EYA1: variants seen among roughly 807,000 people sequenced by gnomAD.
EYA1 encodes the protein EYA transcriptional coactivator and phosphatase 1, also known as protein phosphatase EYA1.
Under a neutral mutation model 82.0 loss-of-function variants are expected in EYA1, and 16 were observed. That is an observed-to-expected ratio of 0.20 (90% CI 0.13 to 0.30). The LOEUF is 0.30. Ranked by LOEUF, EYA1 falls within the 10% of genes least tolerant of loss-of-function variation. The pLI, the probability that EYA1 is intolerant of heterozygous loss-of-function variation, is 1.00. For synonymous variants in EYA1, 261 were observed against 264.4 expected, an observed-to-expected ratio of 0.99 and a Z score of 0.12; for missense variants, 633 against 730.7, an observed-to-expected ratio of 0.87 and a Z score of 1.54.
intron 12 of EYA1, among the ~76,000 whole-genome samples, chr8:71,243,312 C>G (rs535099301): frequency 6.6e-6 from 1 of 152,008 alleles, no homozygotes; most frequent in Non-Finnish European, 1.5e-5. Flanking sequence ...TAAGTGAAAA[C>G]AATTATCAAT....
At chr8:71,419,790 T>C (rs1831046695) in intron 2 of EYA1, among the ~76,000 whole-genome samples, 2 of 152,108 alleles carry the variant, frequency 1.3e-5, no homozygotes, top group African/African-American at 2.4e-5. Flanking sequence ...TTCTAAGCTA[T>C]ATTTTATGTA....
At chr8:71,496,208 C>G (rs904897723) in intron 2 of EYA1, among the ~76,000 whole-genome samples, 1 of 152,170 alleles carries the variant, frequency 6.6e-6, no homozygotes, top group Admixed American at 6.5e-5. Flanking sequence ...AAACTCAACA[C>G]CTGCTGCCCA....
intron 2 of EYA1, among the ~76,000 whole-genome samples, chr8:71,443,295 A>AT (rs899260718): frequency 3.7e-4 from 56 of 152,214 alleles, no homozygotes; most frequent in African/African-American, 1.2e-3. Context: ...AAGAAAATGG[A>AT]TTTTTTTGGC....
At chr8:71,466,185 A>G (rs749059502) in intron 2 of EYA1, among the ~76,000 whole-genome samples, 3 of 152,182 alleles carry the variant, frequency 2.0e-5, no homozygotes, top group African/African-American at 7.2e-5. Flanking sequence ...AATATGACTA[A>G]ATATAACCAC....
At chr8:71,342,658 A>G (rs1474863790) in intron 3 of EYA1, among the ~76,000 whole-genome samples, 2 of 152,212 alleles carry the variant, frequency 1.3e-5, no homozygotes, top group Admixed American at 6.5e-5. Context: ...TTTAATAAAC[A>G]TAACAGAATG....
At chr8:71,506,537 G>T (rs1183566601) in intron 2 of EYA1, among the ~76,000 whole-genome samples, 1 of 152,124 alleles carries the variant, frequency 6.6e-6, no homozygotes, top group Non-Finnish European at 1.5e-5. Flanking sequence ...ATTTGTTATT[G>T]TAATTTTGCA....
chr8:71,438,880 G>A (rs1806197612), intron 2 of EYA1, among the ~76,000 whole-genome samples: 1 of 152,186 alleles, frequency 6.6e-6, no homozygotes, highest in Non-Finnish European at 1.5e-5. Context: ...GAATGTCTTT[G>A]TGGATCTGAC....
upstream of EYA1, among the ~76,000 whole-genome samples, chr8:71,365,479 A>T (rs2129083912): frequency 6.6e-6 from 1 of 152,330 alleles, no homozygotes; most frequent in African/African-American, 2.4e-5. Flanking sequence ...CATTTTCTTA[A>T]AAAAGCGAAA....
chr8:71,295,892 T>G (rs1293442796), intron 9 of EYA1, among the ~76,000 whole-genome samples: 1 of 152,054 alleles, frequency 6.6e-6, no homozygotes, highest in Non-Finnish European at 1.5e-5. Context: ...GACATGAGTT[T>G]AAAGACATGG....
At chr8:71,334,242 TATA>T (rs1563486561) in intron 3 of EYA1, 68 bp from the exon 4 acceptor site, 1 of 1,160,430 alleles carries the variant, frequency 8.6e-7, no homozygotes, top group Admixed American at 1.7e-5. Context: ...GAAGAGAAGA[TATA>T]ACATTCAGAG....
Position 71,211,141 on chromosome 8 carries a change from T to C in EYA1, c.1698+15A>G. On this transcript the variant is annotated intron_variant, in intron 17 of 17. Coordinates refer to ENST00000340726, the MANE Select transcript of EYA1 (RefSeq NM_000503.6). ...AAAACAAATGAGACAAGATGCACCA[T>C]CTAGGAATGCTCACCTTTTTTGCTC... 1 of 1,525,236 alleles carries C rather than the reference T, an allele frequency of 6.6e-7. No homozygotes were observed. The highest frequency in any genetic ancestry group is 9.1e-7 in the Non-Finnish European group (1 of 1,099,096). The allele number at this position is 1,525,236 out of a possible 1,614,324, so 94.5% of individuals were successfully genotyped here.
At chr8:71,357,873 A>G (rs1047202398) in intron 1 of EYA1, among the ~76,000 whole-genome samples, 3 of 152,186 alleles carry the variant, frequency 2.0e-5, no homozygotes, top group Non-Finnish European at 4.4e-5. Context: ...CGTGATAACA[A>G]CCTTCTGCGA....
intron 2 of EYA1, among the ~76,000 whole-genome samples, chr8:71,533,880 C>G (rs1814492381): frequency 6.6e-6 from 1 of 152,176 alleles, no homozygotes; most frequent in Non-Finnish European, 1.5e-5. Context: ...TAGCCAAATA[C>G]CTTTCAAGAC....
chr8:71,495,809 G>A (rs1811369104), intron 2 of EYA1, among the ~76,000 whole-genome samples: 2 of 152,074 alleles, frequency 1.3e-5, no homozygotes, highest in Non-Finnish European at 2.9e-5. Context: ...GCAGATATGA[G>A]TGGTCTCCCT....
chr8:71,261,408 C>T (rs2128931995), intron 11 of EYA1, among the ~76,000 whole-genome samples: 1 of 152,152 alleles, frequency 6.6e-6, no homozygotes, highest in African/African-American at 2.4e-5. Context: ...TACAGATTAC[C>T]AAGAGAGACT....
chr8:71,265,869 T>G (rs1331835152), intron 11 of EYA1, among the ~76,000 whole-genome samples: 1 of 152,236 alleles, frequency 6.6e-6, no homozygotes, highest in Non-Finnish European at 1.5e-5. Flanking sequence ...ACATCTTACT[T>G]GTTTTCCTCA....
intron 2 of EYA1, among the ~76,000 whole-genome samples, chr8:71,514,907 T>G (rs2129259854): frequency 6.6e-6 from 1 of 152,278 alleles, no homozygotes; most frequent in Non-Finnish European, 1.5e-5. Context: ...ATGTACAATT[T>G]TTATAGAAAT....
At chr8:71,490,608 A>C (rs534360716) in intron 2 of EYA1, among the ~76,000 whole-genome samples, 1 of 152,222 alleles carries the variant, frequency 6.6e-6, no homozygotes, top group Admixed American at 6.5e-5. Flanking sequence ...GCTGAAAAAA[A>C]TATGTATAGA....
intron 11 of EYA1, among the ~76,000 whole-genome samples, chr8:71,255,734 C>T (rs1319644198): frequency 6.6e-6 from 1 of 151,912 alleles, no homozygotes; most frequent in African/African-American, 2.4e-5. Context: ...AAATTCAAAA[C>T]ATCAAAATGA....
Sources: allele counts gnomAD v4.1 joint callset (sites outside exome capture counted in the v4.1 genomes callset), GRCh38; gene constraint gnomAD v4.1.1; transcripts MANE v1.5; gene names NCBI Gene and HGNC (gene_info 2026-07-23, HGNC 2026-07-21).